The following TRIM59 variants were observed in gnomAD, a reference collection of about 807,000 sequenced individuals.
TRIM59 encodes the protein tripartite motif containing 59, also known as tripartite motif-containing protein 59.
In TRIM59, 14 loss-of-function variants were observed where a neutral mutation model predicts 32.2. That is an observed-to-expected ratio of 0.43 (90% CI 0.29 to 0.68). TRIM59 has a LOEUF of 0.68. TRIM59 is among the 30% of genes least tolerant of loss of function. TRIM59 has a pLI of 0.15. For missense variants in TRIM59, 471 were observed against 463.3 expected, an observed-to-expected ratio of 1.02 and a Z score of -0.15; for synonymous variants, 163 against 155.1, an observed-to-expected ratio of 1.05 and a Z score of -0.38.
chr3:160,446,630 TGA>T (rs1719543337), intron 2 of TRIM59, among the ~76,000 whole-genome samples: 2 of 152,162 alleles, frequency 1.3e-5, no homozygotes, highest in South Asian at 4.1e-4. Flanking sequence ...TGCCAGGGCT[TGA>T]GAGCAGGGAA....
intron 2 of TRIM59, among the ~76,000 whole-genome samples, chr3:160,440,512 A>G (rs1577013986): frequency 6.6e-6 from 1 of 152,202 alleles, no homozygotes; most frequent in East Asian, 1.9e-4. Flanking sequence ...TTTCCTTTAT[A>G]CCTACCCTCA....
chr3:160,435,848 TCA>T lies in TRIM59; in HGVS notation c.*2122_*2123del, dbSNP rs1718911523. The T allele has an allele frequency of 2.5e-6, 2 of 808,896 alleles. No individual in the cohort carries two copies. Among genetic ancestry groups the T allele is most frequent in the Non-Finnish European group, 3.6e-6 (2 of 551,300 alleles). The allele number at this position is 808,896 out of a possible 1,614,324, so 50.1% of individuals were successfully genotyped here. A position where few individuals can be genotyped will look rare whatever the true frequency, so the allele number is the denominator to read the frequency against. On this transcript the variant is annotated 3_prime_UTR_variant, in exon 3 of 3. Coordinates refer to ENST00000309784, the MANE Select transcript of TRIM59 (RefSeq NM_173084.3). ...CTGAAAAGAGAATGCATGGGTTTTCTCACAGCTATATGGCCTTGGACAAGTCA... is the reference window on the plus strand; with the variant it reads ...CTGAAAAGAGAATGCATGGGTTTTCTCAGCTATATGGCCTTGGACAAGTCA...
chr3:160,438,329 C>G lies in TRIM59; in HGVS notation c.855G>C (p.Leu285Phe), dbSNP rs1370917364. ...VEIYPRVSKILKEEWSRTEIG... is the reference protein window; with the variant it reads ...VEIYPRVSKIFKEEWSRTEIG... Reference sequence around the variant, plus strand: ...TTTCTGTTCTGCTCCATTCTTCTTTCAATATTTTGCTTACTCGAGGATAAA... The same window carrying G: ...TTTCTGTTCTGCTCCATTCTTCTTTGAATATTTTGCTTACTCGAGGATAAA... The change falls in exon 3 of 3, where the codon TTG becomes TTC. Residue 285 changes from leucine to phenylalanine, a missense_variant. Physicochemically the swap from Leu to Phe is conservative, Grantham distance 22. Transcript: ENST00000309784. 3 of 1,613,098 alleles carry G rather than the reference C, an allele frequency of 1.9e-6. No individual in the cohort carries two copies. Among genetic ancestry groups the G allele is most frequent in the South Asian group, 1.1e-5 (1 of 90,784 alleles).
intron 2 of TRIM59, among the ~76,000 whole-genome samples, chr3:160,441,873 C>A (rs1242759855): frequency 6.6e-6 from 1 of 152,018 alleles, no homozygotes; most frequent in Non-Finnish European, 1.5e-5. Flanking sequence ...TAGAGCATTC[C>A]AGCAAATTAA....
chr3:160,440,067 TCTCCACAGTAA>T (rs1329992736), intron 2 of TRIM59, among the ~76,000 whole-genome samples: 1 of 152,210 alleles, frequency 6.6e-6, no homozygotes, highest in Non-Finnish European at 1.5e-5. Flanking sequence ...CTATCAAATT[TCTCCACAGTAA>T]CTGTTACTAC....
chr3:160,448,134 AAAT>A (rs1486945315), intron 2 of TRIM59, among the ~76,000 whole-genome samples: 2 of 152,234 alleles, frequency 1.3e-5, no homozygotes. Flanking sequence ...TAAAAAATAA[AAAT>A]AAAAACTAGA....
chr3:160,448,447 AAC>A (rs1485946291), intron 2 of TRIM59, among the ~76,000 whole-genome samples: 9 of 152,232 alleles, frequency 5.9e-5, no homozygotes, highest in Non-Finnish European at 1.2e-4. Context: ...TGTATAAAAT[AAC>A]AACTTTGCAT....
chr3:160,444,723 A>C (rs1426110781), intron 2 of TRIM59, among the ~76,000 whole-genome samples: 1 of 152,254 alleles, frequency 6.6e-6, no homozygotes, highest in Non-Finnish European at 1.5e-5. Context: ...CTATGTAAGA[A>C]GTCCAGGCTA....
intron 1 of TRIM59, 53 bp from the exon 2 acceptor site, chr3:160,448,848 A>G: frequency 9.9e-7 from 1 of 1,006,892 alleles, no homozygotes; most frequent in Non-Finnish European, 1.3e-6. Flanking sequence ...GTCTCATGTC[A>G]TAAAAATGGT....
In TRIM59 at chr3:160,438,813, C is replaced by T. The variant is rs1257899300; in HGVS notation, c.371G>A (p.Gly124Asp). The T allele has an allele frequency of 6.2e-7, 1 of 1,613,930 alleles. No homozygotes were observed. The highest frequency in any genetic ancestry group is 1.1e-5 in the South Asian group (1 of 91,086). ...ATCTATAGGATGACCATGATGTTGACCTATGGTAAGGCAATGACCACAAAC... is the reference window on the plus strand; with the variant it reads ...ATCTATAGGATGACCATGATGTTGATCTATGGTAAGGCAATGACCACAAAC... ...KLVCGHCLTI[G>D]QHHGHPIDDL... The change falls in exon 3 of 3, where the codon GGT becomes GAT. Residue 124 changes from glycine (G) to aspartate (D), a missense_variant. Transcript: ENST00000309784.
At position 160,436,956 on chromosome 3, in the gene TRIM59, CTAA is replaced by C. The variant is rs774874039; in HGVS notation, c.*1013_*1015del. ...ACCAAGTTACCAACATGATTCTGTT[CTAA>C]TAAGAATGAGTTTTTAATCCAAGAA... is the stretch of plus-strand genomic sequence containing the variant. On this transcript the variant is annotated 3_prime_UTR_variant, in exon 3 of 3. Coordinates refer to ENST00000309784, the MANE Select transcript of TRIM59 (RefSeq NM_173084.3). The C allele has an allele frequency of 1.3e-5, 13 of 985,044 alleles. No homozygotes were observed. Among genetic ancestry groups the C allele is most frequent in the Non-Finnish European group, 1.6e-5 (13 of 829,902 alleles). The allele number at this position is 985,044 out of a possible 1,614,324, so 61.0% of individuals were successfully genotyped here. A position where few individuals can be genotyped will look rare whatever the true frequency, so the allele number is the denominator to read the frequency against.
chr3:160,438,780 T>G lies in TRIM59; in HGVS notation c.404A>C (p.Gln135Pro), dbSNP rs202041217. Residue 135 changes from glutamine to proline, a missense_variant, in exon 3 of 3, where the codon CAA (glutamine) becomes CCA (proline). Gln to Pro is a moderately conservative substitution (Grantham distance 76). Coordinates refer to ENST00000309784, the MANE Select transcript of TRIM59 (RefSeq NM_173084.3). ...GTCCTTTTCTTTCAAATAGGCACTT[T>G]GAAGGTCATCTATAGGATGACCATG... Reference protein sequence around the residue: ...QHHGHPIDDLQSAYLKEKDTP... With the variant: ...QHHGHPIDDLPSAYLKEKDTP... The G allele has an allele frequency of 3.5e-5, 57 of 1,614,056 alleles. 1 individual carries two copies. In the Admixed American group the frequency reaches 8.2e-4, roughly 23 times the overall value.
rs1235072863 is a variant in TRIM59 at position 160,438,350 on chromosome 3, A to G, written c.834T>C (p.Tyr278=). The part of the protein sequence containing the change: ...PLPEVQPVEI[Y]PRVSKILKEE... ...CTTTCAATATTTTGCTTACTCGAGG[A>G]TAAATTTCAACGGGTTGAACCTCAG... Residue 278 remains tyrosine (Y), a synonymous_variant, in exon 3 of 3, where the codon TAT becomes TAC. Coordinates refer to ENST00000309784, the MANE Select transcript of TRIM59 (RefSeq NM_173084.3). The G allele has an allele frequency of 1.2e-6, 2 of 1,613,446 alleles. No homozygotes were observed. Among genetic ancestry groups the G allele is most frequent in the African/African-American group, 2.7e-5 (2 of 74,892 alleles).
intron 2 of TRIM59, among the ~76,000 whole-genome samples, chr3:160,439,839 A>G (rs529620481): frequency 1.3e-5 from 2 of 152,320 alleles, no homozygotes; most frequent in East Asian, 3.9e-4. Context: ...TACATAATAA[A>G]GACTAAAATT....
chr3:160,441,135 C>A (rs1184800055), intron 2 of TRIM59, among the ~76,000 whole-genome samples: 1 of 152,184 alleles, frequency 6.6e-6, no homozygotes, highest in Non-Finnish European at 1.5e-5. Flanking sequence ...CAGATTAGGT[C>A]CCCTGTTATT....
At chr3:160,447,867 T>C (rs1472589315) in intron 2 of TRIM59, 1 of 152,248 alleles carries the variant, frequency 6.6e-6, no homozygotes, top group Non-Finnish European at 1.5e-5. Flanking sequence ...ATACATTTCA[T>C]GCAAGTCAAG....
At position 160,436,856 on chromosome 3, in the gene TRIM59, T is replaced by G. The variant is rs530953446; in HGVS notation, c.*1116A>C. 1.1e-6 allele frequency: 1 copy of G among 931,218 alleles called. No homozygotes were observed. The highest frequency in any genetic ancestry group is 5.0e-5 in the South Asian group (1 of 20,198). 57.7% of individuals were successfully genotyped at this position (931,218 alleles called of 1,614,324 possible). A position where few individuals can be genotyped will look rare whatever the true frequency, so the allele number is the denominator to read the frequency against. ...AGTTGTTGGTACTTTTGCATTAGCT[T>G]AAGGGAATGTGGTAGAAAATTTAAA... On this transcript the variant is annotated 3_prime_UTR_variant, in exon 3 of 3. Transcript: ENST00000309784.
chr3:160,446,952 C>T (rs1719568968), intron 2 of TRIM59, among the ~76,000 whole-genome samples: 1 of 151,734 alleles, frequency 6.6e-6, no homozygotes, highest in African/African-American at 2.4e-5. Flanking sequence ...TCCACAAGAC[C>T]GGTCCCTGGT....
chr3:160,438,501 A>G lies in TRIM59; in HGVS notation c.683T>C (p.Ile228Thr), dbSNP rs1031256007. 1 of 1,611,966 alleles carries G rather than the reference A, an allele frequency of 6.2e-7. No individual in the cohort carries two copies. The highest frequency in any genetic ancestry group is 1.3e-5 in the African/African-American group (1 of 74,710). The change falls in exon 3 of 3, where the codon ATA becomes ACA. Residue 228 changes from isoleucine to threonine, a missense_variant. Transcript: ENST00000309784. ...CATTAATTCAAGCTGCTGCTCTCGT[A>G]TTTCCTTCATTCTTTCAATTTGTGG... ...YTPQIERMKE[I>T]REQQLELMAL...
Sources: gnomAD v4.1 joint callset for allele counts (sites outside exome capture counted in the v4.1 genomes callset) on GRCh38, gnomAD v4.1.1 for gene constraint, MANE v1.5 for transcripts, NCBI Gene and HGNC (gene_info 2026-07-23, HGNC 2026-07-21) for gene names.